Variants in NAA11 observed in about 807,000 individuals in gnomAD.
The protein encoded by NAA11 is N-alpha-acetyltransferase 11.
In NAA11, 15 loss-of-function variants were observed where a neutral mutation model predicts 16.1. That is an observed-to-expected ratio of 0.93 (90% confidence interval 0.62 to 1.44). NAA11 has a LOEUF of 1.44. NAA11 is among the 40% of genes most tolerant of loss of function. NAA11 has a pLI of 0.00. For missense variants in NAA11, 298 were observed against 291.3 expected (o/e 1.02, Z -0.17); for synonymous variants, 122 against 112.4 (o/e 1.09, Z -0.54).
chr4:79,299,812 GCAGATAC>G (rs1243460180), intron 1 of NAA11, among the ~76,000 whole-genome samples: 1 of 152,170 alleles, frequency 6.6e-6, no homozygotes, highest in Non-Finnish European at 1.5e-5. Context: ...TTCTCATATT[GCAGATAC>G]CAGGACATTC....
intron 2 of NAA11, among the ~76,000 whole-genome samples, chr4:79,287,329 T>G (rs1722964562): frequency 6.6e-6 from 1 of 152,144 alleles, no homozygotes. Context: ...CCTTTGGCTT[T>G]GACATAACTC....
chr4:79,263,164 A>G (rs941603186), intron 2 of NAA11, among the ~76,000 whole-genome samples: 1 of 152,222 alleles, frequency 6.6e-6, no homozygotes, highest in Non-Finnish European at 1.5e-5. Context: ...TGACTAGTGC[A>G]TAATAGATAT....
At chr4:79,200,126 G>A in the NAA11 span, among the ~76,000 whole-genome samples, 1 of 151,874 alleles carries the variant, frequency 6.6e-6, no homozygotes. Flanking sequence ...GACAGCTTGG[G>A]CTGGAATCTT....
chr4:79,197,096 A>AT, the NAA11 span, among the ~76,000 whole-genome samples: 1 of 151,932 alleles, frequency 6.6e-6, no homozygotes, highest in Admixed American at 6.6e-5. Context: ...TTCCACAACC[A>AT]TAAGATAATA....
chr4:79,169,717 A>G, the NAA11 span, among the ~76,000 whole-genome samples: 1 of 152,208 alleles, frequency 6.6e-6, no homozygotes, highest in Non-Finnish European at 1.5e-5. Context: ...ACCAATAGCA[A>G]TGGCAACAAA....
intron 1 of NAA11, among the ~76,000 whole-genome samples, chr4:79,322,559 A>G (rs1436996537): frequency 6.6e-6 from 1 of 152,076 alleles, no homozygotes; most frequent in Non-Finnish European, 1.5e-5. Context: ...GTTCTCAGCT[A>G]GAGTTTAACA....
At chr4:79,297,258 T>C (rs9998799) in intron 1 of NAA11, among the ~76,000 whole-genome samples, 66,327 of 152,006 alleles carry the variant, frequency 0.44, 14,971 homozygotes, top group Middle Eastern at 0.53. Context: ...TGGAGCCCAC[T>C]GCCCTGGGGG....
chr4:79,183,317 A>G, the NAA11 span, among the ~76,000 whole-genome samples: 2 of 152,190 alleles, frequency 1.3e-5, no homozygotes, highest in Non-Finnish European at 2.9e-5. Flanking sequence ...AAATGCAAGA[A>G]ACAAATTTTG....
chr4:79,158,104 T>C, the NAA11 span, among the ~76,000 whole-genome samples: 3 of 151,972 alleles, frequency 2.0e-5, no homozygotes, highest in Non-Finnish European at 2.9e-5. Context: ...GGTTTCACCA[T>C]GTTAGCCAGG....
intron 1 of NAA11, among the ~76,000 whole-genome samples, chr4:79,302,829 G>A (rs1723431135): frequency 6.6e-6 from 1 of 151,882 alleles, no homozygotes; most frequent in Non-Finnish European, 1.5e-5. Flanking sequence ...AACACTGGAG[G>A]AGGAAATGGA....
chr4:79,242,550 T>A (rs1721722208), intron 2 of NAA11, among the ~76,000 whole-genome samples: 1 of 152,236 alleles, frequency 6.6e-6, no homozygotes, highest in South Asian at 2.1e-4. Context: ...TATTTCTTCA[T>A]TGGACATTCT....
At chr4:79,282,379 T>C (rs1215753561) in intron 2 of NAA11, among the ~76,000 whole-genome samples, 1 of 152,010 alleles carries the variant, frequency 6.6e-6, no homozygotes, top group East Asian at 1.9e-4. Context: ...AAAGGAATTA[T>C]AGCATGATAG....
chr4:79,270,179 C>T (rs1343020969), intron 2 of NAA11, among the ~76,000 whole-genome samples: 13 of 150,846 alleles, frequency 8.6e-5, no homozygotes, highest in East Asian at 7.8e-4. Flanking sequence ...ATTGACTTGG[C>T]GATGCGGGCT....
chr4:79,247,329 C>T (rs763836901), intron 2 of NAA11, among the ~76,000 whole-genome samples: 49 of 151,990 alleles, frequency 3.2e-4, no homozygotes, highest in South Asian at 6.2e-4. Context: ...TTCTTGTTAC[C>T]TTCACTACAT....
chr4:79,266,954 C>T (rs1355481107), intron 2 of NAA11, among the ~76,000 whole-genome samples: 1 of 152,086 alleles, frequency 6.6e-6, no homozygotes, highest in East Asian at 1.9e-4. Context: ...AGATTTTAAA[C>T]TGTTTGTTTA....
chr4:79,282,683 T>C (rs1722821567), intron 2 of NAA11, among the ~76,000 whole-genome samples: 1 of 152,102 alleles, frequency 6.6e-6, no homozygotes, highest in Non-Finnish European at 1.5e-5. Flanking sequence ...GTTTGAGGCA[T>C]GTTAATGAGT....
At chr4:79,186,654 G>A in the NAA11 span, among the ~76,000 whole-genome samples, 1 of 152,128 alleles carries the variant, frequency 6.6e-6, no homozygotes, top group Non-Finnish European at 1.5e-5. Flanking sequence ...TAATTCTAGT[G>A]GGAAGGAGGA....
chr4:79,274,673 T>C (rs961288041), intron 2 of NAA11, among the ~76,000 whole-genome samples: 8 of 151,998 alleles, frequency 5.3e-5, no homozygotes, highest in Non-Finnish European at 1.2e-4. Flanking sequence ...GAGAATAAAA[T>C]GAATTAGTAT....
intron 1 of NAA11, among the ~76,000 whole-genome samples, chr4:79,298,607 G>C (rs1723292996): frequency 6.6e-6 from 1 of 152,216 alleles, no homozygotes; most frequent in Admixed American, 6.5e-5. Flanking sequence ...TGCAGCAGTT[G>C]GTGTGTCTGA....
Sources: allele counts gnomAD v4.1 joint callset (sites outside exome capture counted in the v4.1 genomes callset), GRCh38; gene constraint gnomAD v4.1.1; transcripts MANE v1.5; gene names NCBI Gene and HGNC (gene_info 2026-07-23, HGNC 2026-07-21).